PDZD2: variants seen among roughly 807,000 people sequenced by gnomAD.
PDZD2 encodes PDZ domain-containing protein 2.
In PDZD2, 90 loss-of-function variants were observed where a neutral mutation model predicts 220.7. That is an observed-to-expected ratio of 0.41 (90% confidence interval 0.34 to 0.49). The LOEUF is 0.49. Among genes scored for constraint, PDZD2 ranks in the 20% least tolerant of loss-of-function variants. The probability of loss-of-function intolerance (pLI) is 0.28; values close to 1 mark genes in which losing one functional copy is unlikely to be tolerated. For missense variants in PDZD2, 3,174 were observed against 3,608.5 expected (o/e 0.88, Z 3.08); for synonymous variants, 1,375 against 1,450.5 (o/e 0.95, Z 1.18).
At chr5:32,093,169 G>T (rs759999052) in intron 21 of PDZD2, 145 bp downstream of exon 21, 138 of 598,462 alleles carry the variant, frequency 2.3e-4, no homozygotes, top group Non-Finnish European at 3.7e-4. Flanking sequence ...TCACAGCTCA[G>T]TCTGACTTTG....
intron 15 of PDZD2, among the ~76,000 whole-genome samples, 191 bp from the exon 16 acceptor site, chr5:32,071,193 A>T (rs1403646931): frequency 6.6e-6 from 1 of 152,174 alleles, no homozygotes; most frequent in African/African-American, 2.4e-5. Context: ...ATCATGGCAG[A>T]TGGGATGGGG....
At chr5:31,974,322 G>A (rs1279083358) in intron 2 of PDZD2, among the ~76,000 whole-genome samples, 2 of 151,766 alleles carry the variant, frequency 1.3e-5, no homozygotes, top group Non-Finnish European at 2.9e-5. Context: ...TTTCAGGCTG[G>A]GCGACAGAGT....
chr5:32,093,184 C>CA (rs1743335870), intron 21 of PDZD2, among the ~76,000 whole-genome samples, 160 bp downstream of exon 21: 1 of 152,148 alleles, frequency 6.6e-6, no homozygotes, highest in Non-Finnish European at 1.5e-5. Context: ...ACTTTGGCCT[C>CA]ACGTGCTGCT....
At position 31,858,962 on chromosome 5, in the gene PDZD2, G is replaced by A. The variant is rs570196180; in HGVS notation, c.476+59238G>A. Among the ~76,000 whole-genome samples, 5 of 152,046 alleles carry A rather than the reference G, an allele frequency of 3.3e-5. No individual in the cohort carries two copies. In the East Asian group the frequency reaches 5.8e-4, roughly 18 times the overall value. On this transcript the variant is annotated intron_variant, in intron 2 of 24. Transcript: ENST00000438447. ...TTGAACTCCTGACCTGAAGTGATCCGCCTCAGCCTCCCAAAGTGCTGGGAT... is the reference window on the plus strand; with the variant it reads ...TTGAACTCCTGACCTGAAGTGATCCACCTCAGCCTCCCAAAGTGCTGGGAT...
intron 2 of PDZD2, among the ~76,000 whole-genome samples, chr5:31,951,667 A>C (rs1209952130): frequency 6.6e-6 from 1 of 152,152 alleles, no homozygotes; most frequent in Non-Finnish European, 1.5e-5. Context: ...CAGTTGGTTT[A>C]TCTGTTTGCT....
At chr5:31,774,687 C>T (rs1308376696) in intron 1 of PDZD2, among the ~76,000 whole-genome samples, 2 of 151,870 alleles carry the variant, frequency 1.3e-5, no homozygotes, top group Non-Finnish European at 2.9e-5. Context: ...CCTTTGCACT[C>T]CAGCCTGTGA....
chr5:32,028,742 G>A (rs1369276786), intron 6 of PDZD2, among the ~76,000 whole-genome samples: 2 of 149,526 alleles, frequency 1.3e-5, no homozygotes, highest in Non-Finnish European at 3.0e-5. Flanking sequence ...GAGTGCAGTG[G>A]CACAACCTTG....
chr5:32,020,928 G>A (rs1754148089), intron 6 of PDZD2, among the ~76,000 whole-genome samples: 2 of 151,980 alleles, frequency 1.3e-5, no homozygotes, highest in African/African-American at 4.8e-5. Flanking sequence ...TTACAGGAGT[G>A]AGCCACTGCA....
At chr5:31,869,661 A>G (rs1738593335) in intron 2 of PDZD2, among the ~76,000 whole-genome samples, 1 of 152,192 alleles carries the variant, frequency 6.6e-6, no homozygotes. Context: ...CACTTCAGTC[A>G]CTGAAATAGG....
intron 1 of PDZD2, among the ~76,000 whole-genome samples, chr5:31,642,804 A>G (rs775381673): frequency 5.9e-5 from 9 of 152,188 alleles, no homozygotes; most frequent in Non-Finnish European, 5.9e-5. Context: ...TGAGGAAAAC[A>G]GGGGAGGCAT....
At position 31,758,553 on chromosome 5, in the gene PDZD2, C is replaced by T. The variant is rs191575198; in HGVS notation, c.-360-40336C>T. 2.2e-3 allele frequency among the ~76,000 whole-genome samples: 335 copies of T among 152,292 alleles called. 1 individual carries two copies. The highest frequency in any genetic ancestry group is 3.9e-3 in the Non-Finnish European group (266 of 68,032). ...GGGACATGACTGGGCCGATGGGCCCCGGAAGATTCTACTCTCACGCTCGGG... is the reference window on the plus strand; with the variant it reads ...GGGACATGACTGGGCCGATGGGCCCTGGAAGATTCTACTCTCACGCTCGGG... On this transcript the variant is annotated intron_variant, in intron 1 of 24. Coordinates refer to ENST00000438447, the MANE Select transcript of PDZD2 (RefSeq NM_178140.4).
intron 10 of PDZD2, 73 bp from the exon 11 acceptor site, chr5:32,057,582 A>T: frequency 2.4e-6 from 2 of 849,172 alleles, no homozygotes; most frequent in Non-Finnish European, 3.9e-6. Flanking sequence ...ATCCCAAAAT[A>T]AGTCTGACTG....
intron 14 of PDZD2, among the ~76,000 whole-genome samples, chr5:32,067,242 G>T (rs1740298119): frequency 6.6e-6 from 1 of 152,214 alleles, no homozygotes; most frequent in Non-Finnish European, 1.5e-5. Flanking sequence ...TAGTCAGGCT[G>T]AGATTTGGAC....
At chr5:32,030,243 T>A (rs1755017212) in intron 6 of PDZD2, among the ~76,000 whole-genome samples, 2 of 152,194 alleles carry the variant, frequency 1.3e-5, no homozygotes, top group African/African-American at 4.8e-5. Context: ...CATCTCTCCT[T>A]CCACATTTGT....
chr5:32,050,065 G>A (rs564098193), intron 8 of PDZD2, among the ~76,000 whole-genome samples: 3 of 152,236 alleles, frequency 2.0e-5, no homozygotes, highest in African/African-American at 7.2e-5. Flanking sequence ...CAAGTACCTG[G>A]GATTACAGGT....
chr5:32,057,221 CT>C (rs1181658299), intron 10 of PDZD2, among the ~76,000 whole-genome samples: 2 of 152,128 alleles, frequency 1.3e-5, no homozygotes, highest in East Asian at 3.9e-4. Context: ...ATTCTCTGTG[CT>C]TGGGGAACTT....
chr5:32,102,206 C>T (rs1744312947), intron 24 of PDZD2, among the ~76,000 whole-genome samples: 1 of 152,106 alleles, frequency 6.6e-6, no homozygotes, highest in African/African-American at 2.4e-5. Flanking sequence ...AGCAGCGCTG[C>T]ATCCTTGGGG....
At position 31,946,038 on chromosome 5, in the gene PDZD2, T is replaced by C. The variant is rs149165623; in HGVS notation, c.477-37117T>C. On this transcript the variant is annotated intron_variant, in intron 2 of 24. Coordinates refer to ENST00000438447, the MANE Select transcript of PDZD2 (RefSeq NM_178140.4). ...CTCTTTTTGAGATGGAGTCTCCCTC[T>C]GTCACCCAGGCTGGAGTGCAGTGGC... 2.9e-3 allele frequency among the ~76,000 whole-genome samples: 443 copies of C among 152,318 alleles called. 4 individuals are homozygous for C. The highest frequency in any genetic ancestry group is 0.01 in the African/African-American group (434 of 41,574).
Position 31,862,101 on chromosome 5 carries a change from G to GTTGTT in PDZD2, c.476+62379_476+62380insGTTTT, listed in dbSNP as rs768772887. 2.6e-3 allele frequency among the ~76,000 whole-genome samples: 204 copies of GTTGTT among 78,466 alleles called. 7 individuals are homozygous for GTTGTT. The highest frequency in any genetic ancestry group is 3.5e-3 in the South Asian group (7 of 1,988). 51.5% of individuals were successfully genotyped at this position (78,466 alleles called of 152,430 possible). On this transcript the variant is annotated intron_variant, in intron 2 of 24. Coordinates refer to ENST00000438447, the MANE Select transcript of PDZD2 (RefSeq NM_178140.4). ...AATAGACTCAATGTTTTTTTTTTGG[G>GTTGTT]TTTTTTTTTTTTTTTTTTTTTTGAG... is the stretch of plus-strand genomic sequence containing the variant.
Sources: gnomAD v4.1 joint callset for allele counts (sites outside exome capture counted in the v4.1 genomes callset) on GRCh38, gnomAD v4.1.1 for gene constraint, MANE v1.5 for transcripts, NCBI Gene and HGNC (gene_info 2026-07-23, HGNC 2026-07-21) for gene names.